The following MTFR1 variants were observed in gnomAD, a reference collection of about 807,000 sequenced individuals.
MTFR1 encodes chondrocyte protein with a poly-proline region.
In MTFR1, 28 loss-of-function variants were observed where a neutral mutation model predicts 38.8. That is an observed-to-expected ratio of 0.72 (90% CI 0.53 to 0.99). The LOEUF is 0.99. Ranked by LOEUF, MTFR1 falls within the 50% of genes least tolerant of loss-of-function variation. MTFR1 has a pLI of 0.00. For synonymous variants in MTFR1, 145 were observed against 137.0 expected (o/e 1.06, Z -0.41); for missense variants, 358 against 395.5 (o/e 0.91, Z 0.81).
chr8:65,661,058 G>GT (rs1809400134), intron 1 of MTFR1, among the ~76,000 whole-genome samples: 1 of 152,204 alleles, frequency 6.6e-6, no homozygotes, highest in African/African-American at 2.4e-5. Context: ...GATGCCAGGG[G>GT]TTGGGAAGGA....
rs1367084824 is a variant in MTFR1, at chr8:65,655,970, C to CAT, written c.-81+11199_-81+11200dup. Among the ~76,000 whole-genome samples the CAT allele has an allele frequency of 1.7e-4, 9 of 53,614 alleles. 1 individual carries two copies. The highest frequency in any genetic ancestry group is 6.1e-4 in the African/African-American group (6 of 9,760). 35.2% of individuals were successfully genotyped at this position (53,614 alleles called of 152,430 possible). On this transcript the variant is annotated intron_variant, in intron 1 of 7. Coordinates refer to ENST00000262146, the MANE Select transcript of MTFR1 (RefSeq NM_014637.4). ...AAAAAAAATATATATATATATATAC[C>CAT]ATATATATATATATGGTAGTGGGTT...
At chr8:65,740,323 T>C (rs1807357557) in intron 3 of MTFR1, among the ~76,000 whole-genome samples, 1 of 152,178 alleles carries the variant, frequency 6.6e-6, no homozygotes, top group African/African-American at 2.4e-5. Flanking sequence ...TCTTAAACTT[T>C]CAACATACTT....
chr8:65,747,283 G>T (rs1394087337), intron 3 of MTFR1, among the ~76,000 whole-genome samples: 2 of 152,168 alleles, frequency 1.3e-5, no homozygotes, highest in Admixed American at 6.5e-5. Context: ...AGTCCCTCGT[G>T]CTCTCTTGGA....
chr8:65,653,314 C>G (rs917235917), intron 1 of MTFR1, among the ~76,000 whole-genome samples: 2 of 151,972 alleles, frequency 1.3e-5, no homozygotes, highest in African/African-American at 4.8e-5. Flanking sequence ...CAGTTCGAGA[C>G]CAGCCTGACC....
chr8:65,682,352 G>T lies in MTFR1; in HGVS notation c.67-1G>T. On this transcript the variant is annotated splice_acceptor_variant, in intron 2 of 7. Coordinates refer to ENST00000262146, the MANE Select transcript of MTFR1 (RefSeq NM_014637.4). LOFTEE classifies it high-confidence loss of function. The stretch of plus-strand genomic sequence containing the variant: ...GCTTTCGGTTTTTCCTACTTCCTCA[G>T]GTACTTTGGTCTAGGAAGCCATATG... 6.5e-7 allele frequency: 1 copy of T among 1,531,292 alleles called. No homozygotes were observed. Among genetic ancestry groups the T allele is most frequent in the Admixed American group, 1.9e-5 (1 of 51,352 alleles). The allele number at this position is 1,531,292 out of a possible 1,614,324, so 94.9% of individuals were successfully genotyped here.
intron 3 of MTFR1, among the ~76,000 whole-genome samples, chr8:65,732,250 C>T (rs984157353): frequency 1.3e-5 from 2 of 152,110 alleles, no homozygotes; most frequent in Non-Finnish European, 2.9e-5. Context: ...TCACCAGCCT[C>T]GGCCTCCCAA....
At chr8:65,757,297 A>C (rs1808279039) in intron 3 of MTFR1, among the ~76,000 whole-genome samples, 1 of 152,254 alleles carries the variant, frequency 6.6e-6, no homozygotes. Flanking sequence ...AAAAGACTGT[A>C]ACAAGGGCTA....
intron 1 of MTFR1, among the ~76,000 whole-genome samples, chr8:65,662,145 C>A (rs1354711803): frequency 2.6e-5 from 4 of 151,058 alleles, no homozygotes; most frequent in African/African-American, 7.3e-5. Context: ...CCTCTGATGC[C>A]GAGCGGAAGC....
chr8:65,713,314 A>T (rs1000032536), downstream of MTFR1, among the ~76,000 whole-genome samples: 1 of 151,888 alleles, frequency 6.6e-6, no homozygotes, highest in African/African-American at 2.4e-5. Flanking sequence ...GGTGGTGCAC[A>T]CCTGTAATCC....
intron 3 of MTFR1, among the ~76,000 whole-genome samples, chr8:65,687,487 A>G (rs1162797235): frequency 1.3e-5 from 2 of 151,868 alleles, no homozygotes. Flanking sequence ...CTGGGGCTAC[A>G]GGCACTCGCC....
At chr8:65,663,930 C>G (rs544147449) in intron 1 of MTFR1, among the ~76,000 whole-genome samples, 1 of 150,408 alleles carries the variant, frequency 6.6e-6, no homozygotes, top group East Asian at 2.0e-4. Context: ...TGGGCTCAGA[C>G]GATTCTCCTG....
chr8:65,708,061 T>A lies in MTFR1; in HGVS notation c.933+50T>A, dbSNP rs117246986. On this transcript the variant is annotated intron_variant, in intron 7 of 7. Coordinates refer to ENST00000262146, the MANE Select transcript of MTFR1 (RefSeq NM_014637.4). ...TCCTGTTATGTAGAAATCCATCCCA[T>A]TGCCAAGCACTTGCATTTTGCAAGT... 2.8e-4 allele frequency: 457 copies of A among 1,606,736 alleles called. 2 individuals are homozygous for A. The East Asian group carries it at 9.0e-3, about 32-fold the overall frequency.
intron 3 of MTFR1, among the ~76,000 whole-genome samples, chr8:65,764,036 T>C (rs1370187266): frequency 6.6e-6 from 1 of 152,188 alleles, no homozygotes. Context: ...GGAAACTAGG[T>C]GAAAGTTTTT....
chr8:65,663,164 CTT>C lies in MTFR1; in HGVS notation c.-80-6706_-80-6705del, dbSNP rs542217007. ...TGTAGAAAGAGGTAGACATGGGAGA[CTT>C]TTCATTTTGTTCTATACTAAGAAAA... On this transcript the variant is annotated intron_variant, in intron 1 of 7. Transcript: ENST00000262146. Among the ~76,000 whole-genome samples, 95 of 152,258 alleles carry C rather than the reference CTT, an allele frequency of 6.2e-4. No individual in the cohort carries two copies. The South Asian group carries it at 0.019, about 30-fold the overall frequency.
At chr8:65,755,322 A>G (rs932257852) in intron 3 of MTFR1, among the ~76,000 whole-genome samples, 1 of 152,066 alleles carries the variant, frequency 6.6e-6, no homozygotes, top group African/African-American at 2.4e-5. Context: ...TGCCCGGCCC[A>G]TTATTGCCTT....
intron 2 of MTFR1, among the ~76,000 whole-genome samples, chr8:65,680,093 T>A (rs1334438565): frequency 6.6e-6 from 1 of 151,368 alleles, no homozygotes; most frequent in Non-Finnish European, 1.5e-5. Flanking sequence ...ATAAAAATTA[T>A]ATGAAAGCTA....
Position 65,707,272 on chromosome 8 carries a change from C to A in MTFR1, c.764+16C>A. 1 of 1,601,768 alleles carries A rather than the reference C, an allele frequency of 6.2e-7. No homozygotes were observed. Among genetic ancestry groups the A allele is most frequent in the Non-Finnish European group, 8.5e-7 (1 of 1,173,398 alleles). On this transcript the variant is annotated intron_variant, in intron 6 of 7. Transcript: ENST00000262146. Reference sequence around the variant, plus strand: ...CAGTGAAGAGGTGAGGATACATTCACCTTCTTTCTTCCCCATTTGTTTGTC... The same window carrying A: ...CAGTGAAGAGGTGAGGATACATTCAACTTCTTTCTTCCCCATTTGTTTGTC...
intron 3 of MTFR1, among the ~76,000 whole-genome samples, chr8:65,768,623 C>A (rs561002490): frequency 7.0e-4 from 107 of 152,296 alleles, no homozygotes; most frequent in South Asian, 2.3e-3. Context: ...CAGACTAATA[C>A]AAATTCTTAC....
rs1424654634 is a variant in MTFR1, at chr8:65,709,819, T to G, written c.*775T>G. 6.6e-6 allele frequency: 1 copy of G among 152,658 alleles called. No homozygotes were observed. The highest frequency in any genetic ancestry group is 1.5e-5 in the Non-Finnish European group (1 of 68,028). 9.5% of individuals were successfully genotyped at this position (152,658 alleles called of 1,614,324 possible). On this transcript the variant is annotated 3_prime_UTR_variant, in exon 8 of 8. Transcript: ENST00000262146. ...CTTCTTAAGAAGTAAAAACTCAGAA[T>G]GTACCATCTTGTTTCCTTTCAGTTT...
Sources: allele counts gnomAD v4.1 joint callset (sites outside exome capture counted in the v4.1 genomes callset), GRCh38; gene constraint gnomAD v4.1.1; transcripts MANE v1.5; gene names NCBI Gene and HGNC (gene_info 2026-07-23, HGNC 2026-07-21).